CCDC88C: variants seen among roughly 807,000 people sequenced by gnomAD.
CCDC88C encodes protein Daple.
In CCDC88C, 131 loss-of-function variants were observed where a neutral mutation model predicts 198.8. The observed-to-expected ratio is 0.66, with a 90% confidence interval of 0.57 to 0.76. CCDC88C has a LOEUF of 0.76. Ranked by LOEUF, CCDC88C falls within the 30% of genes least tolerant of loss-of-function variation. The pLI is 0.00. For missense variants in CCDC88C, 2,553 were observed against 2,631.6 expected, an observed-to-expected ratio of 0.97 and a Z score of 0.65; for synonymous variants, 1,166 against 1,114.7, an observed-to-expected ratio of 1.05 and a Z score of -0.92.
intron 4 of CCDC88C, among the ~76,000 whole-genome samples, chr14:91,357,768 C>A (rs199838561): frequency 1.3e-5 from 2 of 152,248 alleles, no homozygotes; most frequent in African/African-American, 4.8e-5. Flanking sequence ...GAGAGTCCCC[C>A]GGTCCCTGGA....
chr14:91,273,153 G>T lies in CCDC88C; in HGVS notation c.5559C>A (p.Ser1853=). 6.3e-7 allele frequency: 1 copy of T among 1,581,096 alleles called. No homozygotes were observed. Among genetic ancestry groups the T allele is most frequent in the East Asian group, 2.3e-5 (1 of 43,190 alleles). Residue 1853 remains serine (S), a synonymous_variant, in exon 30 of 30, where the codon TCC becomes TCA. Coordinates refer to ENST00000389857, the MANE Select transcript of CCDC88C (RefSeq NM_001080414.4). This position sits in a 1 kb window ranked among gnomAD's most constrained non-coding sequence, Gnocchi z 5.6. ...HTLQSPAPPS[S]HSLARERTPL... ...GGGTCCGCTCCCGGGCCAGGCTATG[G>T]GAGCTGGGGGGTGCGGGGCTTTGCA...
chr14:91,344,800 C>CT (rs765758764), intron 4 of CCDC88C, among the ~76,000 whole-genome samples: 242 of 144,724 alleles, frequency 1.7e-3, no homozygotes, highest in Admixed American at 2.6e-3. Flanking sequence ...CGCCCGGCCC[C>CT]TTTTTTTTTT....
chr14:91,376,912 T>C (rs1196926164), intron 3 of CCDC88C, among the ~76,000 whole-genome samples: 4 of 152,150 alleles, frequency 2.6e-5, no homozygotes, highest in African/African-American at 4.8e-5. Context: ...AAAGTGGGGC[T>C]GGCCCCAGGA....
intron 3 of CCDC88C, among the ~76,000 whole-genome samples, chr14:91,386,436 G>A (rs1335507900): frequency 4.6e-5 from 7 of 152,084 alleles, no homozygotes; most frequent in Non-Finnish European, 1.0e-4. Context: ...AGTCCGGCCC[G>A]GGAAACAAGA....
At chr14:91,316,609 G>A (rs777373336) in intron 13 of CCDC88C, among the ~76,000 whole-genome samples, 1 of 152,116 alleles carries the variant, frequency 6.6e-6, no homozygotes, top group Non-Finnish European at 1.5e-5. Flanking sequence ...TTTTAGTAGA[G>A]ACGGGATTTC....
intron 10 of CCDC88C, among the ~76,000 whole-genome samples, chr14:91,328,481 G>T (rs573800678): frequency 2.0e-5 from 3 of 152,274 alleles, no homozygotes; most frequent in Non-Finnish European, 2.9e-5. Flanking sequence ...CTGACCACAA[G>T]TGACCTAGGA....
At chr14:91,293,268 C>T (rs1248666553) in intron 23 of CCDC88C, among the ~76,000 whole-genome samples, 2 of 131,314 alleles carry the variant, frequency 1.5e-5, no homozygotes, top group Admixed American at 8.0e-5. Context: ...CCATCCTCAC[C>T]TGCCACGGCC....
chr14:91,334,068 A>G (rs533503479), intron 10 of CCDC88C, among the ~76,000 whole-genome samples: 1 of 152,344 alleles, frequency 6.6e-6, no homozygotes, highest in South Asian at 2.1e-4. Context: ...ACACACACCC[A>G]TACACATACC....
At chr14:91,298,804 C>T (rs959921526) in intron 21 of CCDC88C, among the ~76,000 whole-genome samples, 1 of 152,140 alleles carries the variant, frequency 6.6e-6, no homozygotes, top group African/African-American at 2.4e-5. Flanking sequence ...TCTAACCCCC[C>T]GTATACACGA....
chr14:91,289,701 A>C (rs1349112116), intron 24 of CCDC88C, among the ~76,000 whole-genome samples: 1 of 152,180 alleles, frequency 6.6e-6, no homozygotes, highest in East Asian at 1.9e-4. Flanking sequence ...ATAATCAGTG[A>C]AATAAGCTGG....
intron 6 of CCDC88C, among the ~76,000 whole-genome samples, chr14:91,341,851 C>T (rs1433391896): frequency 6.6e-6 from 1 of 152,232 alleles, no homozygotes; most frequent in Non-Finnish European, 1.5e-5. Context: ...AGAGCCCTCC[C>T]GGCCCCTCGC....
chr14:91,379,779 G>T lies in CCDC88C; in HGVS notation c.271-20068C>A, dbSNP rs371339797. 1.2e-4 allele frequency: 82 copies of T among 700,906 alleles called. No individual in the cohort carries two copies. In the African/African-American group the frequency reaches 1.3e-3, roughly 11 times the overall value. 43.4% of individuals were successfully genotyped at this position (700,906 alleles called of 1,614,324 possible). A position where few individuals can be genotyped will look rare whatever the true frequency, so the allele number is the denominator to read the frequency against. On this transcript the variant is annotated intron_variant, in intron 3 of 29. Coordinates refer to ENST00000389857, the MANE Select transcript of CCDC88C (RefSeq NM_001080414.4). ...CCCCGTGCCCGGGCCTCCTGCGGGG[G>T]TGTCTTGTTCACTGTCCACTTCCAC...
intron 4 of CCDC88C, among the ~76,000 whole-genome samples, chr14:91,344,245 C>T (rs1420832883): frequency 5.3e-5 from 6 of 112,566 alleles, no homozygotes; most frequent in South Asian, 5.1e-4. Context: ...CCCTTTTTAG[C>T]GCGTAAGCAA....
At chr14:91,308,559 G>T (rs185925012) in intron 16 of CCDC88C, 67 bp from the exon 17 acceptor site, 1 of 1,487,146 alleles carries the variant, frequency 6.7e-7, no homozygotes, top group Non-Finnish European at 9.3e-7. Flanking sequence ...CAGTGTCCTC[G>T]CTGCCAACAC....
intron 3 of CCDC88C, among the ~76,000 whole-genome samples, chr14:91,402,775 G>A (rs1886281068): frequency 6.6e-6 from 1 of 152,198 alleles, no homozygotes; most frequent in African/African-American, 2.4e-5. Context: ...TGAACGACAG[G>A]TATGTGAGTG....
In CCDC88C at chr14:91,313,361, C is replaced by T; in HGVS notation, c.2455G>A (p.Asp819Asn). The T allele has an allele frequency of 6.2e-7, 1 of 1,611,056 alleles. No individual in the cohort carries two copies. Among genetic ancestry groups the T allele is most frequent in the Non-Finnish European group, 8.5e-7 (1 of 1,179,808 alleles). ...ACCTCCTGCTCCAGGGCCTTCCTGT[C>T]CTTCTCGGCCCCCTCCAACTGTGCA... is the stretch of plus-strand genomic sequence containing the variant. ...ANAQLEGAEK[D>N]RKALEQEVAQ... The change falls in exon 15 of 30, where the codon GAC becomes AAC. Residue 819 changes from aspartate (D) to asparagine (N), a missense_variant. Physicochemically the swap from Asp to Asn is conservative, Grantham distance 23. This residue lies in a region of CCDC88C where 1,260 missense variants were observed against 1,412.0 expected (regional missense o/e 0.89). Transcript: ENST00000389857. This position sits in a 1 kb window ranked among gnomAD's most constrained non-coding sequence, Gnocchi z 5.2.
chr14:91,400,452 G>A (rs1886106155), intron 3 of CCDC88C, among the ~76,000 whole-genome samples: 1 of 152,194 alleles, frequency 6.6e-6, no homozygotes, highest in African/African-American at 2.4e-5. Flanking sequence ...CCTCCGGATG[G>A]TTGGGTCCAC....
intron 29 of CCDC88C, among the ~76,000 whole-genome samples, chr14:91,276,112 G>A (rs577496357): frequency 7.5e-4 from 114 of 152,076 alleles, no homozygotes; most frequent in Non-Finnish European, 1.3e-3. Context: ...GAGCCACCGC[G>A]CCCGGCCAGA....
At chr14:91,357,103 G>C (rs1010285427) in intron 4 of CCDC88C, among the ~76,000 whole-genome samples, 3 of 152,162 alleles carry the variant, frequency 2.0e-5, no homozygotes, top group African/African-American at 7.2e-5. Flanking sequence ...TTTGGGGGCG[G>C]ACAGAGCAGG....
Sources: allele counts gnomAD v4.1 joint callset (sites outside exome capture counted in the v4.1 genomes callset), GRCh38; gene constraint gnomAD v4.1.1; regional missense constraint gnomAD v4.1.1; non-coding constraint Gnocchi (gnomAD v3.1); transcripts MANE v1.5; gene names NCBI Gene and HGNC (gene_info 2026-07-23, HGNC 2026-07-21).